The following CDKAL1 variants were observed in gnomAD, a reference collection of about 807,000 sequenced individuals.
CDKAL1 encodes threonylcarbamoyladenosine tRNA methylthiotransferase.
CDKAL1 carries 32 observed loss-of-function variants against 68.2 expected under a neutral mutation model. The observed-to-expected ratio is 0.47, with a 90% CI of 0.35 to 0.63. The LOEUF (loss-of-function observed/expected upper bound fraction) is 0.63. CDKAL1 is among the 30% of genes least tolerant of loss of function. The pLI, the probability that CDKAL1 is intolerant of heterozygous loss-of-function variation, is 0.00. For synonymous variants in CDKAL1, 234 were observed against 244.3 expected, an observed-to-expected ratio of 0.96 and a Z score of 0.39; for missense variants, 606 against 696.7, an observed-to-expected ratio of 0.87 and a Z score of 1.47.
intron 10 of CDKAL1, among the ~76,000 whole-genome samples, chr6:20,985,091 T>A (rs371678708): frequency 2.6e-5 from 4 of 152,052 alleles, no homozygotes; most frequent in East Asian, 1.9e-4. Flanking sequence ...TTTCAAATAC[T>A]TTTTTTTAGG....
chr6:20,711,657 G>A (rs554142496), intron 5 of CDKAL1, among the ~76,000 whole-genome samples: 1 of 152,182 alleles, frequency 6.6e-6, no homozygotes, highest in South Asian at 2.1e-4. Flanking sequence ...CATAGAACAG[G>A]AAGTCTGGAA....
intron 8 of CDKAL1, among the ~76,000 whole-genome samples, chr6:20,806,132 C>T (rs910553125): frequency 1.8e-4 from 27 of 152,270 alleles, no homozygotes; most frequent in Non-Finnish European, 4.4e-5. Context: ...CCTCACACTT[C>T]GCACATCCTC....
intron 13 of CDKAL1, among the ~76,000 whole-genome samples, chr6:21,164,402 A>G (rs1777054299): frequency 6.6e-6 from 1 of 151,962 alleles, no homozygotes; most frequent in South Asian, 2.1e-4. Flanking sequence ...GCCAGAACCC[A>G]GATTTAACCT....
chr6:20,665,241 C>T (rs1186600994), intron 5 of CDKAL1, among the ~76,000 whole-genome samples: 1 of 152,044 alleles, frequency 6.6e-6, no homozygotes, highest in Non-Finnish European at 1.5e-5. Context: ...CTTTATTATA[C>T]TGAAGTGAAA....
rs373439780 is a variant in CDKAL1, at chr6:20,747,884, G to A, written c.468+8269G>A. On this transcript the variant is annotated intron_variant, in intron 6 of 15. Coordinates refer to ENST00000274695, the MANE Select transcript of CDKAL1 (RefSeq NM_017774.3). ...GCTTTTTGTTGCCTGAGCTTTTGGT[G>A]TGATATCCAAAAAATCAGTGCCAAG... is the stretch of plus-strand genomic sequence containing the variant. Among the ~76,000 whole-genome samples, 24 of 152,218 alleles carry A rather than the reference G, an allele frequency of 1.6e-4. No homozygotes were observed. The East Asian group carries it at 2.7e-3, about 17-fold the overall frequency.
rs770945947 is a variant in CDKAL1 at position 21,001,443 on chromosome 6, GT to G, written c.1055+1080del. On this transcript the variant is annotated intron_variant, in intron 11 of 15. Coordinates refer to ENST00000274695, the MANE Select transcript of CDKAL1 (RefSeq NM_017774.3). ...ACCTTTCCATTACATATCTTTCTAA[GT>G]TTTTTTTTAACCTCTAGGCATTCTT... Among the ~76,000 whole-genome samples the G allele has an allele frequency of 1.7e-3, 242 of 145,432 alleles. 2 individuals carry two copies. Among genetic ancestry groups the G allele is most frequent in the African/African-American group, 5.8e-3 (230 of 39,342 alleles).
At chr6:20,748,141 C>T (rs961214098) in intron 6 of CDKAL1, among the ~76,000 whole-genome samples, 6 of 152,140 alleles carry the variant, frequency 3.9e-5, no homozygotes, top group Non-Finnish European at 7.3e-5. Flanking sequence ...ATAGCCAAAA[C>T]AGTCTTGAAA....
intron 11 of CDKAL1, among the ~76,000 whole-genome samples, chr6:21,032,034 G>A (rs575956773): frequency 6.6e-5 from 10 of 151,980 alleles, no homozygotes; most frequent in Non-Finnish European, 1.2e-4. Context: ...ACTCCTGCAC[G>A]TCCTATCTTT....
rs530285986 is a variant in CDKAL1 at position 20,536,191 on chromosome 6, T to C, written c.-6+797T>C. On this transcript the variant is annotated intron_variant, in intron 2 of 15. Transcript: ENST00000274695. ...CCTGAAGTGATCCTGCCACCTTGGC[T>C]TCCCAGTGTTGGGATTATAGGCATG... Among the ~76,000 whole-genome samples the C allele has an allele frequency of 7.2e-5, 11 of 152,130 alleles. No homozygotes were observed. The East Asian group carries it at 2.1e-3, about 29-fold the overall frequency.
At chr6:20,980,993 C>T (rs1561933901) in intron 10 of CDKAL1, among the ~76,000 whole-genome samples, 1 of 152,096 alleles carries the variant, frequency 6.6e-6, no homozygotes, top group Non-Finnish European at 1.5e-5. Flanking sequence ...AAGAGATGGA[C>T]TTAGAAAATA....
chr6:20,827,641 T>G (rs761978540), intron 8 of CDKAL1, among the ~76,000 whole-genome samples: 2 of 152,170 alleles, frequency 1.3e-5, no homozygotes, highest in African/African-American at 4.8e-5. Context: ...CATGGAAGAC[T>G]AAGTTATGTG....
chr6:20,855,424 C>T (rs1476954995), intron 9 of CDKAL1, among the ~76,000 whole-genome samples: 1 of 108,854 alleles, frequency 9.2e-6, no homozygotes, highest in Non-Finnish European at 1.7e-5. Flanking sequence ...GCCTGGGAGA[C>T]AGAGCGAGAC....
intron 4 of CDKAL1, among the ~76,000 whole-genome samples, chr6:20,647,405 C>A (rs774268109): frequency 6.6e-6 from 1 of 152,174 alleles, no homozygotes; most frequent in Admixed American, 6.5e-5. Context: ...CCTCTGTCAT[C>A]CTCCCCTCAC....
chr6:20,563,714 T>C (rs759532309), intron 4 of CDKAL1, among the ~76,000 whole-genome samples: 41 of 152,056 alleles, frequency 2.7e-4, no homozygotes, highest in Non-Finnish European at 5.6e-4. Context: ...TTAAAAGTTT[T>C]TGCATTTGTG....
At chr6:20,966,412 T>A (rs1221048045) in intron 10 of CDKAL1, among the ~76,000 whole-genome samples, 1 of 152,212 alleles carries the variant, frequency 6.6e-6, no homozygotes, top group African/African-American at 2.4e-5. Flanking sequence ...TCAGAACTCT[T>A]TGATTTGCAT....
At chr6:20,995,120 C>T (rs774088090) in intron 10 of CDKAL1, among the ~76,000 whole-genome samples, 6 of 152,178 alleles carry the variant, frequency 3.9e-5, no homozygotes, top group South Asian at 2.1e-4. Context: ...GCAGCAATTC[C>T]GTCATATCTT....
At chr6:21,188,509 C>T (rs1001312361) in intron 13 of CDKAL1, among the ~76,000 whole-genome samples, 9 of 152,112 alleles carry the variant, frequency 5.9e-5, no homozygotes, top group South Asian at 2.1e-4. Context: ...TGGAAGTGAA[C>T]GGAAATTCTG....
chr6:21,180,386 C>G (rs1381545540), intron 13 of CDKAL1, among the ~76,000 whole-genome samples: 2 of 149,844 alleles, frequency 1.3e-5, no homozygotes, highest in Non-Finnish European at 3.0e-5. Flanking sequence ...ACCACACTTG[C>G]CAGTCCTTGT....
chr6:21,040,408 G>A (rs538605772), intron 11 of CDKAL1, among the ~76,000 whole-genome samples: 2 of 152,246 alleles, frequency 1.3e-5, no homozygotes, highest in Admixed American at 6.5e-5. Context: ...TCTTTGAGAT[G>A]AATGTCTCTC....
Sources: gnomAD v4.1 joint callset for allele counts (sites outside exome capture counted in the v4.1 genomes callset) on GRCh38, gnomAD v4.1.1 for gene constraint, MANE v1.5 for transcripts, NCBI Gene and HGNC (gene_info 2026-07-23, HGNC 2026-07-21) for gene names.